YES1: variants seen among roughly 807,000 people sequenced by gnomAD.
The protein encoded by YES1 is YES proto-oncogene 1, Src family tyrosine kinase, also known as tyrosine-protein kinase Yes.
In YES1, 39 loss-of-function variants were observed where a neutral mutation model predicts 70.4. The observed-to-expected ratio is 0.55, with a 90% CI of 0.43 to 0.72. The LOEUF (loss-of-function observed/expected upper bound fraction) is 0.72, where lower values mean the gene tolerates loss of function less well. Ranked by LOEUF, YES1 falls within the 30% of genes least tolerant of loss-of-function variation. The probability of loss-of-function intolerance (pLI) is 0.00; values close to 1 mark genes in which losing one functional copy is unlikely to be tolerated. For missense variants in YES1, 495 were observed against 644.8 expected (o/e 0.77, Z 2.52); for synonymous variants, 198 against 218.6 (o/e 0.91, Z 0.83).
chr18:760,860 C>T (rs1482765541), intron 1 of YES1, among the ~76,000 whole-genome samples: 1 of 152,126 alleles, frequency 6.6e-6, no homozygotes, highest in Non-Finnish European at 1.5e-5. Context: ...CTTGCTCATG[C>T]TTTCTTGTTC....
At position 732,985 on chromosome 18, in the gene YES1, C is replaced by T. The variant is rs376807937; in HGVS notation, c.1292-20G>A. ...TTGCACCTAAAATAATGTTGACCAT[C>T]TTGCTTAATTGTTTTTTAAAAATCT... On this transcript the variant is annotated intron_variant, in intron 10 of 11. Coordinates refer to ENST00000314574, the MANE Select transcript of YES1 (RefSeq NM_005433.4). 10 of 1,613,558 alleles carry T rather than the reference C, an allele frequency of 6.2e-6. No homozygotes were observed. The African/African-American group carries it at 1.3e-4, about 22-fold the overall frequency.
At chr18:801,740 G>T (rs1300150649) in intron 1 of YES1, among the ~76,000 whole-genome samples, 1 of 152,072 alleles carries the variant, frequency 6.6e-6, no homozygotes, top group East Asian at 1.9e-4. Context: ...AGAATATATA[G>T]ACTTCACAAA....
At chr18:736,997 G>A (rs762766824) in intron 9 of YES1, 36 bp from the exon 10 acceptor site, 5 of 1,529,362 alleles carry the variant, frequency 3.3e-6, no homozygotes, top group Admixed American at 1.9e-5. Flanking sequence ...CAAGACATAC[G>A]ATACAAAGGG....
intron 11 of YES1, among the ~76,000 whole-genome samples, chr18:730,725 ATATTT>A (rs1320517335): frequency 1.3e-5 from 2 of 152,126 alleles, no homozygotes; most frequent in Non-Finnish European, 2.9e-5. Flanking sequence ...GTTCTTTTAC[ATATTT>A]TATTTAACTT....
intron 10 of YES1, 67 bp from the exon 11 acceptor site, chr18:733,032 G>T: frequency 6.6e-7 from 1 of 1,512,760 alleles, no homozygotes; most frequent in Non-Finnish European, 9.2e-7. Context: ...CATAGCATAT[G>T]CAGGGCTAAT....
chr18:806,305 G>A (rs1468305246), intron 1 of YES1, among the ~76,000 whole-genome samples: 1 of 152,052 alleles, frequency 6.6e-6, no homozygotes, highest in Non-Finnish European at 1.5e-5. Flanking sequence ...CAACTACAAT[G>A]AATTTTCAGT....
In YES1 at chr18:786,427, ATTG is replaced by A. The variant is rs1012597222; in HGVS notation, c.-9+25684_-9+25686del. ...GAAACCTAAAATAGAATCTTTGTCT[ATTG>A]TTGTGGTTAGCCTAGAAGGCACTTT... is the stretch of plus-strand genomic sequence containing the variant. On this transcript the variant is annotated intron_variant, in intron 1 of 11. Coordinates refer to ENST00000314574, the MANE Select transcript of YES1 (RefSeq NM_005433.4). 8.6e-5 allele frequency among the ~76,000 whole-genome samples: 13 copies of A among 151,278 alleles called. No individual in the cohort carries two copies. The Admixed American group carries it at 8.6e-4, about 10-fold the overall frequency.
chr18:768,235 G>A (rs1305496365), intron 1 of YES1, among the ~76,000 whole-genome samples: 1 of 152,192 alleles, frequency 6.6e-6, no homozygotes, highest in African/African-American at 2.4e-5. Flanking sequence ...AACCATGCAT[G>A]AGGGTCTTTG....
At chr18:765,032 C>T (rs1904811275) in intron 1 of YES1, among the ~76,000 whole-genome samples, 2 of 151,782 alleles carry the variant, frequency 1.3e-5, no homozygotes, top group African/African-American at 4.8e-5. Flanking sequence ...CCTCGCCCGG[C>T]TTATCTGAAT....
At chr18:791,105 C>A (rs1322186321) in intron 1 of YES1, among the ~76,000 whole-genome samples, 1 of 151,578 alleles carries the variant, frequency 6.6e-6, no homozygotes, top group Non-Finnish European at 1.5e-5. Context: ...CAAAAATTAG[C>A]CGGGCGTGGT....
intron 1 of YES1, among the ~76,000 whole-genome samples, chr18:778,786 T>C (rs1449691911): frequency 6.6e-6 from 1 of 152,078 alleles, no homozygotes. Flanking sequence ...GCACAAAGGA[T>C]AGGCAGGACC....
chr18:770,408 T>A (rs994937737), intron 1 of YES1, among the ~76,000 whole-genome samples: 4 of 152,096 alleles, frequency 2.6e-5, no homozygotes, highest in African/African-American at 9.7e-5. Context: ...GTCTGTCAGT[T>A]CACATCAATC....
At position 722,198 on chromosome 18, in the gene YES1, CT is replaced by C; in HGVS notation, c.*2225del. 1 of 152,628 alleles carries C rather than the reference CT, an allele frequency of 6.6e-6. No homozygotes were observed. The highest frequency in any genetic ancestry group is 2.4e-5 in the African/African-American group (1 of 41,534). The allele number at this position is 152,628 out of a possible 1,614,324, so 9.5% of individuals were successfully genotyped here. The stretch of plus-strand genomic sequence containing the variant: ...ACAATATCATAGTTCACATAAAGCC[CT>C]TAAAAAATCTCATGTCACAAGTTGT... On this transcript the variant is annotated 3_prime_UTR_variant, in exon 12 of 12. Coordinates refer to ENST00000314574, the MANE Select transcript of YES1 (RefSeq NM_005433.4).
chr18:732,707 G>A (rs1241600974), intron 11 of YES1, 127 bp downstream of exon 11: 10 of 1,231,478 alleles, frequency 8.1e-6, no homozygotes, highest in Non-Finnish European at 1.2e-5. Flanking sequence ...GAAGGAGTGG[G>A]GAGAGGGAGA....
chr18:772,905 T>G (rs1905221265), intron 1 of YES1, among the ~76,000 whole-genome samples: 1 of 152,236 alleles, frequency 6.6e-6, no homozygotes, highest in South Asian at 2.1e-4. Flanking sequence ...TGAGTTTGCA[T>G]TTGCATGGCC....
chr18:741,086 CG>C (rs1441651601), intron 8 of YES1, among the ~76,000 whole-genome samples: 1 of 151,736 alleles, frequency 6.6e-6, no homozygotes, highest in East Asian at 1.9e-4. Context: ...TTAGCAGAGA[CG>C]GGGTTTCGCT....
In YES1 at chr18:776,731, T is replaced by C. The variant is rs552758135; in HGVS notation, c.-8-19896A>G. On this transcript the variant is annotated intron_variant, in intron 1 of 11. Transcript: ENST00000314574. ...CCGTTTCTACAATTCTGCCTCATAA[T>C]CTGACAATATATGGTGATTCCTAAC... is the stretch of plus-strand genomic sequence containing the variant. Among the ~76,000 whole-genome samples, 20 of 152,312 alleles carry C rather than the reference T, an allele frequency of 1.3e-4. 1 individual carries two copies. The highest frequency in any genetic ancestry group is 1.0e-3 in the South Asian group (5 of 4,830).
intron 1 of YES1, among the ~76,000 whole-genome samples, chr18:794,866 G>A (rs1489414972): frequency 2.6e-5 from 4 of 152,200 alleles, no homozygotes; most frequent in African/African-American, 9.7e-5. Context: ...GCCCAGGCTG[G>A]AGAGCAGTGG....
chr18:773,616 CTCTTT>C (rs1240304672), intron 1 of YES1, among the ~76,000 whole-genome samples: 8 of 152,150 alleles, frequency 5.3e-5, no homozygotes, highest in African/African-American at 1.4e-4. Flanking sequence ...GCATTCTCTT[CTCTTT>C]TAAAACCTCT....
Sources: gnomAD v4.1 joint callset for allele counts (sites outside exome capture counted in the v4.1 genomes callset) on GRCh38, gnomAD v4.1.1 for gene constraint, MANE v1.5 for transcripts, NCBI Gene and HGNC (gene_info 2026-07-23, HGNC 2026-07-21) for gene names.